ATP7B: variants seen among roughly 807,000 people sequenced by gnomAD.
ATP7B encodes ATPase copper transporting beta.
ATP7B carries 113 observed loss-of-function variants against 118.9 expected under a neutral mutation model. The observed-to-expected ratio is 0.95, with a 90% CI of 0.82 to 1.11. The LOEUF is 1.11. ATP7B is among the 50% of genes most tolerant of loss of function. The pLI is 0.00. For missense variants in ATP7B, 1,867 were observed against 1,871.4 expected (o/e 1.00, Z 0.04); for synonymous variants, 777 against 727.4 (o/e 1.07, Z -1.10).
intron 13 of ATP7B, 125 bp downstream of exon 13, chr13:51,946,159 A>C: frequency 7.7e-7 from 1 of 1,297,878 alleles, no homozygotes; most frequent in East Asian, 2.6e-5. Context: ...GTTATACTTG[A>C]CTTCCTATTC....
Position 51,946,522 on chromosome 13 carries a change from G to C in ATP7B, c.2866-44C>G, listed in dbSNP as rs1236487021. ...CAGAGGCAGGTTGAGAGTTCAATAA[G>C]GAAGCTCCCAGAACTCTAATCACAT... On this transcript the variant is annotated intron_variant, in intron 12 of 20. Coordinates refer to ENST00000242839, the MANE Select transcript of ATP7B (RefSeq NM_000053.4). 1.9e-6 allele frequency: 3 copies of C among 1,604,076 alleles called. No homozygotes were observed. In the East Asian group the frequency reaches 6.7e-5, roughly 36 times the overall value.
intron 19 of ATP7B, 110 bp from the exon 20 acceptor site, chr13:51,935,805 C>T (rs1005259771): frequency 3.3e-6 from 3 of 922,846 alleles, no homozygotes; most frequent in African/African-American, 1.7e-5. Context: ...AGGTCTCCAC[C>T]TGGCGTGCTC....
intron 1 of ATP7B, among the ~76,000 whole-genome samples, chr13:51,984,857 A>G (rs1404768863): frequency 6.6e-6 from 1 of 152,232 alleles, no homozygotes; most frequent in Non-Finnish European, 1.5e-5. Context: ...TTTACAGACA[A>G]GCAAATGCTG....
At position 51,974,287 on chromosome 13, in the gene ATP7B, C is replaced by T; in HGVS notation, c.933G>A (p.Leu311=). 6.2e-7 allele frequency: 1 copy of T among 1,614,184 alleles called. No individual in the cohort carries two copies. The highest frequency in any genetic ancestry group is 2.2e-5 in the East Asian group (1 of 44,870). Residue 311 remains leucine, a synonymous_variant, in exon 2 of 21, where the codon CTG becomes CTA. Coordinates refer to ENST00000242839, the MANE Select transcript of ATP7B (RefSeq NM_000053.4). ...YDPSCTSPVA[L]QRAIEALPPG... ...GTGGAAGTGCCTCGATAGCCCTCTG[C>T]AGAGCCACTGGGCTGGTACAAGAAG...
intron 10 of ATP7B, 35 bp from the exon 11 acceptor site, chr13:51,950,196 A>T: frequency 2.5e-6 from 4 of 1,614,178 alleles, no homozygotes; most frequent in Non-Finnish European, 3.4e-6. Flanking sequence ...TCACTTGCTC[A>T]GCCCCATCCA....
rs551275663 is a variant in ATP7B at position 51,974,750 on chromosome 13, C to A, written c.470G>T (p.Cys157Phe). 5 of 1,614,192 alleles carry A rather than the reference C, an allele frequency of 3.1e-6. No homozygotes were observed. The East Asian group carries it at 1.1e-4, about 36-fold the overall frequency. The change falls in exon 2 of 21, where the codon TGT becomes TTT. Residue 157 changes from cysteine (C) to phenylalanine (F), a missense_variant. By Grantham distance (205) the Cys-to-Phe change is radical (BLOSUM62 -2). Coordinates refer to ENST00000242839, the MANE Select transcript of ATP7B (RefSeq NM_000053.4). Reference protein sequence around the residue: ...LRVEGMTCQSCVSSIEGKVRK... With the variant: ...LRVEGMTCQSFVSSIEGKVRK... ...GACCTTGCCTTCAATGGAGCTGACA[C>A]AGGACTGGCAGGTCATGCCCTCCAC...
At chr13:51,942,324 G>A (rs1409123648) in intron 15 of ATP7B, 62 bp downstream of exon 15, 7 of 1,606,818 alleles carry the variant, frequency 4.4e-6, no homozygotes, top group South Asian at 2.2e-5. Context: ...TGGGCGTGGT[G>A]CTCTCTGTGG....
chr13:51,949,957 A>G, intron 11 of ATP7B, 50 bp downstream of exon 11: 1 of 1,613,852 alleles, frequency 6.2e-7, no homozygotes, highest in Non-Finnish European at 8.5e-7. Flanking sequence ...CTCTTCACAT[A>G]ATTTCTAAAA....
rs1244917428 is a variant in ATP7B at position 51,970,596 on chromosome 13, T to C, written c.1439A>G (p.Gln480Arg). The C allele has an allele frequency of 6.2e-7, 1 of 1,614,092 alleles. No homozygotes were observed. The highest frequency in any genetic ancestry group is 2.2e-5 in the East Asian group (1 of 44,862). The change falls in exon 3 of 21, where the codon CAA becomes CGA. Residue 480 changes from glutamine (Q) to arginine (R), a missense_variant. Coordinates refer to ENST00000242839, the MANE Select transcript of ATP7B (RefSeq NM_000053.4). ...CTGCGGTGCCACTGCTCTGGTTGATTGTGGGGACTTTGCCAAGATGTCCGG... is the reference window on the plus strand; with the variant it reads ...CTGCGGTGCCACTGCTCTGGTTGATCGTGGGGACTTTGCCAAGATGTCCGG... ...HAPDILAKSP[Q>R]STRAVAPQKC...
At chr13:51,936,728 T>C (rs1303906646) in intron 19 of ATP7B, among the ~76,000 whole-genome samples, 1 of 152,124 alleles carries the variant, frequency 6.6e-6, no homozygotes, top group Non-Finnish European at 1.5e-5. Context: ...AGTCTCACCA[T>C]GTTGCCCAGG....
In ATP7B at chr13:51,958,448, C is replaced by G; in HGVS notation, c.2218G>C (p.Ala740Pro). ...AGGATGACCAGAGAATAAACATAAGCAATGCTTGTGGCCAGGACGATGAGC... is the reference window on the plus strand; with the variant it reads ...AGGATGACCAGAGAATAAACATAAGGAATGCTTGTGGCCAGGACGATGAGC... ...DVLIVLATSI[A>P]YVYSLVILVV... is the part of the protein sequence containing the mutation. Residue 740 changes from alanine to proline, a missense_variant, in exon 8 of 21, where the codon GCT (alanine) becomes CCT (proline). By Grantham distance (27) the Ala-to-Pro change is conservative. Transcript: ENST00000242839. 1.9e-6 allele frequency: 3 copies of G among 1,614,244 alleles called. No homozygotes were observed. Among genetic ancestry groups the G allele is most frequent in the Non-Finnish European group, 2.5e-6 (3 of 1,180,050 alleles).
chr13:51,935,407 T>A (rs1956898723), intron 20 of ATP7B, among the ~76,000 whole-genome samples, 186 bp downstream of exon 20: 1 of 152,214 alleles, frequency 6.6e-6, no homozygotes, highest in Admixed American at 6.5e-5. Context: ...TGGGCAGCAG[T>A]GAATTGCCTG....
At chr13:51,961,007 A>T (rs979179430) in intron 6 of ATP7B, among the ~76,000 whole-genome samples, 1 of 151,926 alleles carries the variant, frequency 6.6e-6, no homozygotes, top group African/African-American at 2.4e-5. Context: ...CAGACCCCCA[A>T]CTGGCTGTTC....
intron 3 of ATP7B, 139 bp from the exon 4 acceptor site, chr13:51,968,746 G>A (rs1951693678): frequency 1.0e-5 from 11 of 1,062,384 alleles, no homozygotes; most frequent in Non-Finnish European, 1.4e-5. Flanking sequence ...TTGAAAATGA[G>A]GCTGCACATG....
At chr13:52,011,248 A>T in intron 1 of ATP7B, 39 bp downstream of exon 1, 2 of 1,614,070 alleles carry the variant, frequency 1.2e-6, no homozygotes, top group Non-Finnish European at 1.7e-6. Context: ...TCCTGGTGGG[A>T]GTGAGCACGC....
chr13:51,937,925 C>T (rs1566446515), intron 17 of ATP7B, among the ~76,000 whole-genome samples: 1 of 152,218 alleles, frequency 6.6e-6, no homozygotes, highest in Admixed American at 6.5e-5. Context: ...GTCTCCCTGT[C>T]CACGGCTCAG....
intron 7 of ATP7B, chr13:51,958,993 T>G (rs879479193): frequency 5.1e-5 from 11 of 215,952 alleles, no homozygotes; most frequent in Non-Finnish European, 1.0e-4. Flanking sequence ...AAAGTCTGTA[T>G]CTGTATTACG....
intron 9 of ATP7B, among the ~76,000 whole-genome samples, chr13:51,953,135 C>T (rs1015777519): frequency 2.6e-5 from 4 of 152,120 alleles, no homozygotes; most frequent in African/African-American, 4.8e-5. Context: ...GCCAGGAGAA[C>T]GGAAGGATCT....
intron 1 of ATP7B, among the ~76,000 whole-genome samples, chr13:51,981,019 G>T (rs913204000): frequency 6.6e-6 from 1 of 152,134 alleles, no homozygotes; most frequent in Non-Finnish European, 1.5e-5. Context: ...TATTTTATGA[G>T]GATGGCATTT....
Sources: allele counts gnomAD v4.1 joint callset (sites outside exome capture counted in the v4.1 genomes callset), GRCh38; gene constraint gnomAD v4.1.1; transcripts MANE v1.5; gene names NCBI Gene and HGNC (gene_info 2026-07-23, HGNC 2026-07-21).